Variants in NECAB1 observed in about 807,000 individuals in gnomAD.
NECAB1 encodes the protein N-terminal EF-hand calcium binding protein 1.
In NECAB1, 29 loss-of-function variants were observed where a neutral mutation model predicts 57.5. The ratio of observed to expected loss-of-function variants is 0.50; its 90% CI spans 0.38 to 0.69. The LOEUF (loss-of-function observed/expected upper bound fraction) is 0.69. Ranked by LOEUF, NECAB1 falls within the 30% of genes least tolerant of loss-of-function variation. The pLI is 0.00. For synonymous variants in NECAB1, 142 were observed against 147.7 expected (o/e 0.96, Z 0.28); for missense variants, 372 against 413.8 (o/e 0.90, Z 0.88).
rs146196281 is a variant in NECAB1 at position 90,958,036 on chromosome 8, G to C, written c.*2524G>C. Reference sequence around the variant, plus strand: ...GATCTAAGAAATAGAATTAGGGAGAGTTTACACTTACTTACCTATATATCA... The same window carrying C: ...GATCTAAGAAATAGAATTAGGGAGACTTTACACTTACTTACCTATATATCA... On this transcript the variant is annotated 3_prime_UTR_variant, in exon 13 of 13. Transcript: ENST00000417640. The C allele has an allele frequency of 6.8e-6, 1 of 147,382 alleles. No homozygotes were observed. Among genetic ancestry groups the C allele is most frequent in the African/African-American group, 2.5e-5 (1 of 40,324 alleles). The allele number at this position is 147,382 out of a possible 1,614,324, so 9.1% of individuals were successfully genotyped here.
chr8:90,949,603 T>C (rs758464693), intron 10 of NECAB1, among the ~76,000 whole-genome samples: 1 of 151,936 alleles, frequency 6.6e-6, no homozygotes, highest in Admixed American at 6.5e-5. Flanking sequence ...AACAAACAAA[T>C]AAACAAACAA....
intron 5 of NECAB1, among the ~76,000 whole-genome samples, chr8:90,909,338 T>C (rs1809770832): frequency 6.6e-6 from 1 of 151,576 alleles, no homozygotes; most frequent in Non-Finnish European, 1.5e-5. Context: ...GATCTCTTGT[T>C]CACAAAATCT....
intron 3 of NECAB1, among the ~76,000 whole-genome samples, chr8:90,828,724 T>C (rs1418293050): frequency 6.6e-6 from 1 of 152,042 alleles, no homozygotes; most frequent in African/African-American, 2.4e-5. Context: ...AAAGTTTTCC[T>C]GAGTTTTTCT....
In NECAB1 at chr8:90,943,201, C is replaced by T. The variant is rs144254658; in HGVS notation, c.860+2303C>T. Among the ~76,000 whole-genome samples, 259 of 152,298 alleles carry T rather than the reference C, an allele frequency of 1.7e-3. 1 individual carries two copies. The highest frequency in any genetic ancestry group is 6.1e-3 in the African/African-American group (252 of 41,580). On this transcript the variant is annotated intron_variant, in intron 10 of 12. Transcript: ENST00000417640. ...GATTTGTGCCGCCTGCTGCAAATTC[C>T]ATTCTCTCAATAACCACAATAAATT...
chr8:90,880,574 G>A (rs1359243455), intron 4 of NECAB1, among the ~76,000 whole-genome samples: 2 of 150,548 alleles, frequency 1.3e-5, no homozygotes, highest in Non-Finnish European at 2.9e-5. Flanking sequence ...TTACATAGAA[G>A]GTGCCACAGA....
At chr8:90,864,607 G>A (rs1045918272) in intron 3 of NECAB1, among the ~76,000 whole-genome samples, 7 of 151,830 alleles carry the variant, frequency 4.6e-5, no homozygotes, top group Non-Finnish European at 2.9e-5. Context: ...GGAGACTCTC[G>A]GTATAAAGCT....
At chr8:90,813,002 C>T (rs1811989220) in intron 2 of NECAB1, 1 of 151,918 alleles carries the variant, frequency 6.6e-6, no homozygotes, top group Non-Finnish European at 1.5e-5. Context: ...TCCTGGCTAA[C>T]ACGGTGAAAC....
intron 2 of NECAB1, among the ~76,000 whole-genome samples, chr8:90,822,724 C>T (rs1812163340): frequency 6.6e-6 from 1 of 151,818 alleles, no homozygotes; most frequent in Non-Finnish European, 1.5e-5. Flanking sequence ...CAGTAATAGC[C>T]TGTTTCCACT....
chr8:90,915,092 G>C (rs1313860554), intron 5 of NECAB1, among the ~76,000 whole-genome samples: 1 of 152,102 alleles, frequency 6.6e-6, no homozygotes, highest in Non-Finnish European at 1.5e-5. Flanking sequence ...TTTCAATGCA[G>C]TCTACAAATA....
intron 3 of NECAB1, among the ~76,000 whole-genome samples, chr8:90,834,031 C>T (rs554716484): frequency 1.7e-3 from 258 of 151,798 alleles, no homozygotes; most frequent in Admixed American, 3.3e-3. Flanking sequence ...GGCATGGTGG[C>T]GCATGCCTGT....
At chr8:90,828,723 CTGAG>C (rs986804251) in intron 3 of NECAB1, among the ~76,000 whole-genome samples, 8 of 152,030 alleles carry the variant, frequency 5.3e-5, no homozygotes, top group Non-Finnish European at 1.0e-4. Context: ...GAAAGTTTTC[CTGAG>C]TTTTTCTTGC....
intron 4 of NECAB1, chr8:90,872,356 T>G (rs981675932): frequency 1.1e-5 from 5 of 472,814 alleles, no homozygotes; most frequent in Non-Finnish European, 1.9e-5. Flanking sequence ...TGGGCCTCAT[T>G]AGTTCGTTCA....
At chr8:90,822,415 G>A (rs1198209757) in intron 2 of NECAB1, among the ~76,000 whole-genome samples, 1 of 151,838 alleles carries the variant, frequency 6.6e-6, no homozygotes, top group Non-Finnish European at 1.5e-5. Flanking sequence ...GCCACCTAAA[G>A]TGAAGTCTTT....
chr8:90,883,844 A>G (rs1339828064), intron 5 of NECAB1, among the ~76,000 whole-genome samples: 4 of 152,340 alleles, frequency 2.6e-5, no homozygotes, highest in Non-Finnish European at 4.4e-5. Flanking sequence ...AGCTTTGTCA[A>G]TTAGTTTTTC....
At chr8:90,906,550 A>G (rs1270071345) in intron 5 of NECAB1, among the ~76,000 whole-genome samples, 1 of 152,136 alleles carries the variant, frequency 6.6e-6, no homozygotes, top group African/African-American at 2.4e-5. Flanking sequence ...GATTACTGTC[A>G]GTCTCTTTGT....
chr8:90,805,382 A>T (rs1354212816), intron 2 of NECAB1, among the ~76,000 whole-genome samples: 2 of 125,584 alleles, frequency 1.6e-5, no homozygotes, highest in Non-Finnish European at 3.2e-5. Flanking sequence ...CAGAGGACAG[A>T]TTTAGCTTTT....
At chr8:90,917,353 G>A (rs1194697365) in intron 5 of NECAB1, 139 bp from the exon 6 acceptor site, 6 of 638,002 alleles carry the variant, frequency 9.4e-6, no homozygotes, top group South Asian at 4.8e-5. Flanking sequence ...TCCAGGGCTC[G>A]ACAGATCTTT....
intron 12 of NECAB1, among the ~76,000 whole-genome samples, chr8:90,951,507 A>G (rs1314354803): frequency 6.6e-6 from 1 of 152,188 alleles, no homozygotes; most frequent in Non-Finnish European, 1.5e-5. Context: ...CAAATATTTT[A>G]TCATATTGTA....
rs200075536 is a variant in NECAB1, at chr8:90,808,640, C to CTTTTTTT, written c.124+6942_124+6948dup. Among the ~76,000 whole-genome samples, 731 of 81,342 alleles carry CTTTTTTT rather than the reference C, an allele frequency of 9.0e-3. 8 individuals carry two copies. The highest frequency in any genetic ancestry group is 0.02 in the African/African-American group (385 of 19,174). The allele number at this position is 81,342 out of a possible 152,430, so 53.4% of individuals were successfully genotyped here. A position where few individuals can be genotyped will look rare whatever the true frequency, so the allele number is the denominator to read the frequency against. Reference sequence around the variant, plus strand: ...TTCATCCTAATCCTTTTTTTCTTTTCTTTTTTTTTTTTTTTTTTTTTTTGA... The same window carrying CTTTTTTT: ...TTCATCCTAATCCTTTTTTTCTTTTCTTTTTTTTTTTTTTTTTTTTTTTTTTTTTTGA... On this transcript the variant is annotated intron_variant, in intron 2 of 12. Coordinates refer to ENST00000417640, the MANE Select transcript of NECAB1 (RefSeq NM_022351.5).
Sources: gnomAD v4.1 joint callset for allele counts (sites outside exome capture counted in the v4.1 genomes callset) on GRCh38, gnomAD v4.1.1 for gene constraint, MANE v1.5 for transcripts, NCBI Gene and HGNC (gene_info 2026-07-23, HGNC 2026-07-21) for gene names.